The following PLN variants were observed in gnomAD, a reference collection of about 807,000 sequenced individuals.
PLN encodes the protein cardiac phospholamban.
Under a neutral mutation model 3.9 loss-of-function variants are expected in PLN, and 1 was observed. The observed-to-expected ratio is 0.26, with a 90% CI of 0.09 to 1.23. PLN has a LOEUF of 1.23. PLN is among the 50% of genes most tolerant of loss of function. The probability of loss-of-function intolerance (pLI) is 0.48; values close to 1 mark genes in which losing one functional copy is unlikely to be tolerated. For synonymous variants in PLN, 21 were observed against 20.5 expected, an observed-to-expected ratio of 1.02 and a Z score of -0.07; for missense variants, 59 against 62.7, an observed-to-expected ratio of 0.94 and a Z score of 0.20.
chr6:118,557,736 G>T (rs1325945091), intron 1 of PLN, among the ~76,000 whole-genome samples: 3 of 152,076 alleles, frequency 2.0e-5, no homozygotes, highest in African/African-American at 4.8e-5. Context: ...AATTATTATC[G>T]AATAAAAATT....
At position 118,558,895 on chromosome 6, in the gene PLN, C is replaced by T. The variant is rs753445677; in HGVS notation, c.-27C>T. 10 of 1,606,606 alleles carry T rather than the reference C, an allele frequency of 6.2e-6. No individual in the cohort carries two copies. In the African/African-American group the frequency reaches 1.2e-4, roughly 19 times the overall value. ...TTATCTTTCTCTCGACCACTTAAAA[C>T]TTCAGACTTCCTGTCCTGCTGGTAT... On this transcript the variant is annotated 5_prime_UTR_variant, in exon 2 of 2. Transcript: ENST00000357525.
chr6:118,556,392 C>T (rs1301134772), intron 1 of PLN, among the ~76,000 whole-genome samples: 4 of 152,128 alleles, frequency 2.6e-5, no homozygotes, highest in Non-Finnish European at 5.9e-5. Flanking sequence ...TGAAGGGGGA[C>T]AGAGTCTCAA....
At chr6:118,555,239 G>T (rs1778784634) in intron 1 of PLN, among the ~76,000 whole-genome samples, 1 of 152,062 alleles carries the variant, frequency 6.6e-6, no homozygotes, top group African/African-American at 2.4e-5. Context: ...AGACCATCCT[G>T]GCTAACATGG....
At chr6:118,557,063 CTA>C (rs1292837406) in intron 1 of PLN, among the ~76,000 whole-genome samples, 3 of 152,110 alleles carry the variant, frequency 2.0e-5, no homozygotes, top group East Asian at 3.8e-4. Context: ...ATAATAATTA[CTA>C]TGTGTTCCAA....
Position 118,559,255 on chromosome 6 carries a change from G to A in PLN, c.*175G>A. On this transcript the variant is annotated 3_prime_UTR_variant, in exon 2 of 2. Coordinates refer to ENST00000357525, the MANE Select transcript of PLN (RefSeq NM_002667.5). Reference sequence around the variant, plus strand: ...TTGTTACCATATGTATTCATCTGTTGGATCTTGTAAACATGAAAAGGGCTT... The same window carrying A: ...TTGTTACCATATGTATTCATCTGTTAGATCTTGTAAACATGAAAAGGGCTT... The A allele has an allele frequency of 1.5e-6, 1 of 655,414 alleles. No individual in the cohort carries two copies. The highest frequency in any genetic ancestry group is 2.8e-6 in the Non-Finnish European group (1 of 356,416). The allele number at this position is 655,414 out of a possible 1,614,324, so 40.6% of individuals were successfully genotyped here.
chr6:118,551,304 T>C (rs930412423), intron 1 of PLN, among the ~76,000 whole-genome samples: 4 of 151,800 alleles, frequency 2.6e-5, no homozygotes, highest in Non-Finnish European at 5.9e-5. Flanking sequence ...GTACTCCATC[T>C]TTAGTTTTCA....
intron 1 of PLN, among the ~76,000 whole-genome samples, chr6:118,556,213 C>G (rs1029470739): frequency 1.3e-5 from 2 of 152,196 alleles, no homozygotes; most frequent in Non-Finnish European, 2.9e-5. Flanking sequence ...TTATAAGCTG[C>G]TATTTTCTAA....
intron 1 of PLN, among the ~76,000 whole-genome samples, chr6:118,554,744 G>A (rs1220723521): frequency 6.6e-6 from 1 of 152,220 alleles, no homozygotes; most frequent in African/African-American, 2.4e-5. Flanking sequence ...TCACTAGGAA[G>A]TGATATTTAA....
At chr6:118,558,751 G>C (rs1315180044) in intron 1 of PLN, 74 bp from the exon 2 acceptor site, 2 of 655,274 alleles carry the variant, frequency 3.1e-6, no homozygotes, top group Non-Finnish European at 5.5e-6. Flanking sequence ...ATGAATTAGT[G>C]TAAAATTGTA....
chr6:118,550,546 T>C (rs1778482224), intron 1 of PLN, among the ~76,000 whole-genome samples: 3 of 151,834 alleles, frequency 2.0e-5, no homozygotes, highest in Admixed American at 2.0e-4. Context: ...TCCTCTTAAT[T>C]ATATATTTGA....
Position 118,558,847 on chromosome 6 carries a change from T to C in PLN, c.-75T>C, listed in dbSNP as rs936386545. The C allele has an allele frequency of 3.0e-6, 3 of 995,450 alleles. No individual in the cohort carries two copies. The highest frequency in any genetic ancestry group is 3.2e-5 in the African/African-American group (2 of 63,088). The allele number at this position is 995,450 out of a possible 1,614,324, so 61.7% of individuals were successfully genotyped here. A position where few individuals can be genotyped will look rare whatever the true frequency, so the allele number is the denominator to read the frequency against. On this transcript the variant is annotated 5_prime_UTR_variant, in exon 2 of 2. Coordinates refer to ENST00000357525, the MANE Select transcript of PLN (RefSeq NM_002667.5). ...CAGGCTACCTAAAAGAAGACAGTTA[T>C]CTCATATTTGGCTGCCAGCTTTTTA...
In PLN at chr6:118,559,292, A is replaced by G; in HGVS notation, c.*212A>G. On this transcript the variant is annotated 3_prime_UTR_variant, in exon 2 of 2. Transcript: ENST00000357525. ...CATGAAAAGGGCTTTATTTTCAAAA[A>G]TTAACTTCAAAATAAGTGTATAAAA... is the stretch of plus-strand genomic sequence containing the variant. The G allele has an allele frequency of 1.8e-6, 1 of 562,504 alleles. No homozygotes were observed. Among genetic ancestry groups the G allele is most frequent in the South Asian group, 2.1e-5 (1 of 48,590 alleles). The allele number at this position is 562,504 out of a possible 1,614,324, so 34.8% of individuals were successfully genotyped here. A position where few individuals can be genotyped will look rare whatever the true frequency, so the allele number is the denominator to read the frequency against.
chr6:118,550,054 T>G (rs1177598138), intron 1 of PLN, among the ~76,000 whole-genome samples: 1 of 151,902 alleles, frequency 6.6e-6, no homozygotes, highest in East Asian at 1.9e-4. Flanking sequence ...AAAAAAAGTG[T>G]TAGATGAAAT....
At chr6:118,551,025 C>T (rs1778512115) in intron 1 of PLN, among the ~76,000 whole-genome samples, 1 of 151,770 alleles carries the variant, frequency 6.6e-6, no homozygotes, top group Non-Finnish European at 1.5e-5. Context: ...ATCAAAGTTT[C>T]CTTTTATTTG....
intron 1 of PLN, among the ~76,000 whole-genome samples, chr6:118,555,833 G>A (rs890822789): frequency 6.6e-6 from 1 of 151,848 alleles, no homozygotes; most frequent in African/African-American, 2.4e-5. Context: ...CCCAGCGTCT[G>A]TTGTTTCCTT....
At chr6:118,553,176 G>A (rs948929863) in intron 1 of PLN, among the ~76,000 whole-genome samples, 7 of 143,778 alleles carry the variant, frequency 4.9e-5, no homozygotes, top group Non-Finnish European at 4.5e-5. Flanking sequence ...GCTTTCCATC[G>A]AAAAAGTACT....
intron 1 of PLN, among the ~76,000 whole-genome samples, chr6:118,550,260 TTTAA>T (rs1234466029): frequency 2.0e-5 from 3 of 151,886 alleles, no homozygotes; most frequent in South Asian, 2.1e-4. Context: ...TAATCATATC[TTTAA>T]TTAGTGAGAT....
At chr6:118,558,049 C>T (rs376203536) in intron 1 of PLN, among the ~76,000 whole-genome samples, 19 of 152,100 alleles carry the variant, frequency 1.2e-4, no homozygotes, top group African/African-American at 4.6e-4. Flanking sequence ...AATGCAACCC[C>T]TGCCTCCTGG....
chr6:118,561,240 C>G lies in PLN; in HGVS notation c.*2160C>G, dbSNP rs1363255637. ...AACAACAGGTGATACACTCACCTCA[C>G]TGGTTTTAGTAAATTACCAATACAG... On this transcript the variant is annotated 3_prime_UTR_variant, in exon 2 of 2. Coordinates refer to ENST00000357525, the MANE Select transcript of PLN (RefSeq NM_002667.5). 1.3e-5 allele frequency among the ~76,000 whole-genome samples: 2 copies of G among 152,162 alleles called. No individual in the cohort carries two copies. Among genetic ancestry groups the G allele is most frequent in the East Asian group, 3.9e-4 (2 of 5,194 alleles).
Sources: gnomAD v4.1 joint callset for allele counts (sites outside exome capture counted in the v4.1 genomes callset) on GRCh38, gnomAD v4.1.1 for gene constraint, MANE v1.5 for transcripts, NCBI Gene and HGNC (gene_info 2026-07-23, HGNC 2026-07-21) for gene names.